The following TGM2 variants were observed in gnomAD, a reference collection of about 807,000 sequenced individuals.
The protein encoded by TGM2 is protein-glutamine gamma-glutamyltransferase 2.
TGM2 carries 53 observed loss-of-function variants against 75.6 expected under a neutral mutation model. That is an observed-to-expected ratio of 0.70 (90% CI 0.56 to 0.88). TGM2 has a LOEUF of 0.88. Among genes scored for constraint, TGM2 ranks in the 40% least tolerant of loss-of-function variants. TGM2 has a pLI of 0.00. For synonymous variants in TGM2, 374 were observed against 381.1 expected, an observed-to-expected ratio of 0.98 and a Z score of 0.22; for missense variants, 842 against 928.5, an observed-to-expected ratio of 0.91 and a Z score of 1.21.
At chr20:38,154,539 C>T (rs2075158037) in intron 3 of TGM2, among the ~76,000 whole-genome samples, 1 of 152,222 alleles carries the variant, frequency 6.6e-6, no homozygotes, top group Non-Finnish European at 1.5e-5. Context: ...AAGCTCTCCC[C>T]TCTGACTTTC....
rs754854509 is a variant in TGM2 at position 38,150,961 on chromosome 20, T to C, written c.530A>G (p.Asn177Ser). ...TACCTGCCCAAAATTCCAAGGTATGTTCTTGATGAACTTGGCCGAGCCCTG... is the reference window on the plus strand; with the variant it reads ...TACCTGCCCAAAATTCCAAGGTATGCTCTTGATGAACTTGGCCGAGCCCTG... ...IYQGSAKFIK[N>S]IPWNFGQFED... Residue 177 changes from asparagine (N) to serine (S), a missense_variant, in exon 4 of 13, where the codon AAC becomes AGC. Physicochemically the swap from Asn to Ser is conservative, Grantham distance 46. Transcript: ENST00000361475. 3 of 1,614,126 alleles carry C rather than the reference T, an allele frequency of 1.9e-6. No individual in the cohort carries two copies. Among genetic ancestry groups the C allele is most frequent in the African/African-American group, 1.3e-5 (1 of 75,044 alleles).
At position 38,138,165 on chromosome 20, in the gene TGM2, C is replaced by A. The variant is rs769800421; in HGVS notation, c.1563G>T (p.Gly521=). Residue 521 remains glycine (G), a synonymous_variant, in exon 10 of 13, where the codon GGG becomes GGT. Coordinates refer to ENST00000361475, the MANE Select transcript of TGM2 (RefSeq NM_004613.4). ...ARTVSYNGIL[G]PECGTKYLLN... ...GCAGGTACTTGGTGCCACACTCGGGCCCCAAGATCCCATTGTAGCTGACGG... is the reference window on the plus strand; with the variant it reads ...GCAGGTACTTGGTGCCACACTCGGGACCCAAGATCCCATTGTAGCTGACGG... The A allele has an allele frequency of 1.9e-6, 3 of 1,604,428 alleles. No individual in the cohort carries two copies. Among genetic ancestry groups the A allele is most frequent in the South Asian group, 2.2e-5 (2 of 89,356 alleles).
rs562163612 is a variant in TGM2, at chr20:38,129,986, G to C, written c.*233C>G. 6 of 593,298 alleles carry C rather than the reference G, an allele frequency of 1.0e-5. No homozygotes were observed. The Admixed American group carries it at 1.8e-4, about 18-fold the overall frequency. The allele number at this position is 593,298 out of a possible 1,614,324, so 36.8% of individuals were successfully genotyped here. ...CCAGCCCCAGTCAGCCAAGGTCAGG[G>C]CTCCCACTGTTTCTGGCACAGAGCA... On this transcript the variant is annotated 3_prime_UTR_variant, in exon 13 of 13. Coordinates refer to ENST00000361475, the MANE Select transcript of TGM2 (RefSeq NM_004613.4).
At chr20:38,140,800 CTATG>C (rs1429353230) in intron 8 of TGM2, among the ~76,000 whole-genome samples, 2 of 152,130 alleles carry the variant, frequency 1.3e-5, no homozygotes, top group Non-Finnish European at 2.9e-5. Context: ...CTTTGTAACG[CTATG>C]TATTATATTT....
intron 8 of TGM2, among the ~76,000 whole-genome samples, chr20:38,140,383 G>A (rs562516607): frequency 6.6e-6 from 1 of 152,302 alleles, no homozygotes; most frequent in African/African-American, 2.4e-5. Context: ...GGACAGAGCT[G>A]GGAAAAAATG....
intron 12 of TGM2, 75 bp from the exon 13 acceptor site, chr20:38,130,444 TC>T: frequency 6.7e-7 from 1 of 1,482,306 alleles, no homozygotes; most frequent in Non-Finnish European, 9.1e-7. Flanking sequence ...AGCCAGGAAG[TC>T]ACGTGACCTC....
intron 2 of TGM2, among the ~76,000 whole-genome samples, chr20:38,159,882 C>T (rs1423273058): frequency 6.6e-6 from 1 of 152,250 alleles, no homozygotes; most frequent in African/African-American, 2.4e-5. Flanking sequence ...GTGATTTTCA[C>T]TATCACAAGT....
intron 6 of TGM2, among the ~76,000 whole-genome samples, chr20:38,145,152 A>G (rs1454382971): frequency 6.6e-6 from 1 of 152,196 alleles, no homozygotes; most frequent in Non-Finnish European, 1.5e-5. Context: ...GGCAGGAGTC[A>G]GAAGGCAAGG....
rs45556333 is a variant in TGM2 at position 38,138,122 on chromosome 20, G to T, written c.1606C>A (p.Pro536Thr). The part of the protein sequence containing the change: ...TKYLLNLNLE[P>T]FSEKSVPLCI... ...GAACACAGGGCTTTACCAGAGAAAG[G>T]CTCCAGGTTGAGGTTGAGCAGGTAC... The change falls in exon 10 of 13, where the codon CCT becomes ACT. Residue 536 changes from proline (P) to threonine (T), a missense_variant. Physicochemically the swap from Pro to Thr is conservative, Grantham distance 38. Transcript: ENST00000361475. The T allele has an allele frequency of 3.1e-6, 5 of 1,592,906 alleles. No individual in the cohort carries two copies. The highest frequency in any genetic ancestry group is 1.1e-5 in the South Asian group (1 of 87,742).
At chr20:38,144,764 A>G (rs959129660) in intron 6 of TGM2, among the ~76,000 whole-genome samples, 18 of 152,136 alleles carry the variant, frequency 1.2e-4, no homozygotes, top group Non-Finnish European at 5.9e-5. Flanking sequence ...CCAATTCACC[A>G]TTGGCTCCCC....
intron 10 of TGM2, among the ~76,000 whole-genome samples, chr20:38,134,100 G>A (rs144329527): frequency 6.6e-5 from 10 of 152,286 alleles, no homozygotes; most frequent in Non-Finnish European, 1.5e-4. Flanking sequence ...TTCCCCAGGA[G>A]GTCACCAGAA....
In TGM2 at chr20:38,158,230, C is replaced by T. The variant is rs544430706; in HGVS notation, c.191-2141G>A. ...ATTTCCCTTTCTCTCTATCTTGGGGCAGCCATGCACACACACTCACACACC... is the reference window on the plus strand; with the variant it reads ...ATTTCCCTTTCTCTCTATCTTGGGGTAGCCATGCACACACACTCACACACC... On this transcript the variant is annotated intron_variant, in intron 2 of 12. Transcript: ENST00000361475. 1.1e-4 allele frequency among the ~76,000 whole-genome samples: 17 copies of T among 152,336 alleles called. No homozygotes were observed. In the East Asian group the frequency reaches 2.9e-3, roughly 26 times the overall value.
chr20:38,140,282 C>T (rs1160251284), intron 8 of TGM2, among the ~76,000 whole-genome samples: 1 of 152,244 alleles, frequency 6.6e-6, no homozygotes, highest in African/African-American at 2.4e-5. Flanking sequence ...CAGTCTAGCA[C>T]ATCCATGTGA....
chr20:38,140,385 G>A (rs2074956850), intron 8 of TGM2, among the ~76,000 whole-genome samples: 1 of 152,194 alleles, frequency 6.6e-6, no homozygotes, highest in African/African-American at 2.4e-5. Flanking sequence ...ACAGAGCTGG[G>A]AAAAAATGTT....
intron 6 of TGM2, among the ~76,000 whole-genome samples, chr20:38,143,345 C>T (rs548420341): frequency 1.3e-5 from 2 of 152,186 alleles, no homozygotes; most frequent in East Asian, 3.9e-4. Flanking sequence ...ATTAGTGATG[C>T]CACTGAGGAC....
At chr20:38,148,242 G>A (rs543887882) in intron 4 of TGM2, among the ~76,000 whole-genome samples, 153 bp from the exon 5 acceptor site, 1 of 152,350 alleles carries the variant, frequency 6.6e-6, no homozygotes, top group East Asian at 1.9e-4. Flanking sequence ...TCTGGTGGCA[G>A]CTTCTCTTGG....
Position 38,146,421 on chromosome 20 carries a change from G to T in TGM2, c.859+296C>A, listed in dbSNP as rs2075044585. ...CAGAGCAAGTGGTGGGAGGGAGGGGGTTTTTAACTCAAGTTAAAAATCCTG... is the reference window on the plus strand; with the variant it reads ...CAGAGCAAGTGGTGGGAGGGAGGGGTTTTTTAACTCAAGTTAAAAATCCTG... On this transcript the variant is annotated intron_variant, in intron 6 of 12. Coordinates refer to ENST00000361475, the MANE Select transcript of TGM2 (RefSeq NM_004613.4). 3 of 502,862 alleles carry T rather than the reference G, an allele frequency of 6.0e-6. No homozygotes were observed. In the Admixed American group the frequency reaches 1.0e-4, roughly 17 times the overall value. The allele number at this position is 502,862 out of a possible 1,614,324, so 31.2% of individuals were successfully genotyped here.
At chr20:38,152,585 G>T (rs1272162096) in intron 3 of TGM2, among the ~76,000 whole-genome samples, 1 of 152,190 alleles carries the variant, frequency 6.6e-6, no homozygotes, top group African/African-American at 2.4e-5. Context: ...GTCCCCATCT[G>T]GTAAAGGTGG....
intron 6 of TGM2, among the ~76,000 whole-genome samples, chr20:38,143,743 G>T (rs986052310): frequency 4.0e-4 from 61 of 152,336 alleles, no homozygotes; most frequent in African/African-American, 1.4e-3. Flanking sequence ...AAAATGAAGA[G>T]AAACAAGATT....
Sources: allele counts gnomAD v4.1 joint callset (sites outside exome capture counted in the v4.1 genomes callset), GRCh38; gene constraint gnomAD v4.1.1; transcripts MANE v1.5; gene names NCBI Gene and HGNC (gene_info 2026-07-23, HGNC 2026-07-21).